The following DYSF variants were observed in gnomAD, a reference collection of about 807,000 sequenced individuals.
DYSF encodes the protein dystrophy-associated fer-1-like 1.
A neutral mutation model predicts 274.9 loss-of-function variants in DYSF; 212 were observed. That is an observed-to-expected ratio of 0.77 (90% CI 0.69 to 0.86). The LOEUF (loss-of-function observed/expected upper bound fraction) is 0.86. Ranked by LOEUF, DYSF falls within the 40% of genes least tolerant of loss-of-function variation. The pLI, the probability that DYSF is intolerant of heterozygous loss-of-function variation, is 0.00. For synonymous variants in DYSF, 1,091 were observed against 1,078.7 expected (o/e 1.01, Z -0.22); for missense variants, 2,666 against 2,783.2 (o/e 0.96, Z 0.95).
chr2:71,592,733 T>G (rs1452211469), intron 32 of DYSF, among the ~76,000 whole-genome samples: 7 of 152,230 alleles, frequency 4.6e-5, no homozygotes, highest in Non-Finnish European at 1.0e-4. Flanking sequence ...GCCTCTGACC[T>G]GTGGCTCTCT....
chr2:71,667,545 C>T lies in DYSF; in HGVS notation c.5457+30C>T, dbSNP rs1396620487. 1.7e-5 allele frequency: 28 copies of T among 1,613,394 alleles called. No individual in the cohort carries two copies. In the East Asian group the frequency reaches 4.2e-4, roughly 24 times the overall value. On this transcript the variant is annotated intron_variant, in intron 48 of 55. Transcript: ENST00000410020. Reference sequence around the variant, plus strand: ...GACCTTGACCCTTGGGTCCCAGAGTCCTCGAACTCCAGAAAGCCCCAACCC... The same window carrying T: ...GACCTTGACCCTTGGGTCCCAGAGTTCTCGAACTCCAGAAAGCCCCAACCC...
chr2:71,573,809 CTTTTTCTTTTTTCTT>C (rs2092605883), intron 29 of DYSF, among the ~76,000 whole-genome samples: 1 of 151,944 alleles, frequency 6.6e-6, no homozygotes, highest in African/African-American at 2.4e-5. Context: ...CCTGATTTTT[CTTTTTCTTTTTTCTT>C]TTTTTCTTTT....
intron 1 of DYSF, among the ~76,000 whole-genome samples, chr2:71,459,495 G>C (rs566711402): frequency 2.2e-4 from 34 of 152,114 alleles, no homozygotes; most frequent in Non-Finnish European, 2.9e-4. Flanking sequence ...AGTGAGCTGA[G>C]GGGGGGACAC....
chr2:71,585,979 G>A (rs754096257), intron 30 of DYSF, among the ~76,000 whole-genome samples: 1 of 152,096 alleles, frequency 6.6e-6, no homozygotes, highest in South Asian at 2.1e-4. Context: ...CAAGAAAGGA[G>A]ACCTCAGAGT....
At chr2:71,514,786 G>A (rs1327294777) in intron 7 of DYSF, among the ~76,000 whole-genome samples, 3 of 152,036 alleles carry the variant, frequency 2.0e-5, no homozygotes, top group Non-Finnish European at 4.4e-5. Flanking sequence ...TGCCCCAAAA[G>A]ACAAAATTCT....
intron 1 of DYSF, among the ~76,000 whole-genome samples, chr2:71,479,992 C>A (rs1372942729): frequency 6.6e-6 from 1 of 152,168 alleles, no homozygotes; most frequent in African/African-American, 2.4e-5. Flanking sequence ...TATTGTGCAA[C>A]CATCATCATG....
intron 14 of DYSF, among the ~76,000 whole-genome samples, chr2:71,530,242 A>G (rs1177909191): frequency 6.6e-6 from 1 of 152,250 alleles, no homozygotes; most frequent in Non-Finnish European, 1.5e-5. Context: ...TCCAAGGACT[A>G]GGATTAATTC....
intron 28 of DYSF, 61 bp downstream of exon 28, chr2:71,570,395 G>A: frequency 6.4e-7 from 1 of 1,555,260 alleles, no homozygotes; most frequent in African/African-American, 1.4e-5. Flanking sequence ...CCATGCTGGT[G>A]GGGACGACTG....
chr2:71,557,649 G>A (rs2091433280), intron 22 of DYSF, among the ~76,000 whole-genome samples: 1 of 152,100 alleles, frequency 6.6e-6, no homozygotes, highest in Non-Finnish European at 1.5e-5. Flanking sequence ...TGGGGGCTAG[G>A]GCAGCATGGA....
chr2:71,553,296 C>G (rs2091093603), intron 20 of DYSF, 108 bp downstream of exon 20: 1 of 1,526,266 alleles, frequency 6.6e-7, no homozygotes, highest in Admixed American at 1.7e-5. Flanking sequence ...CTCAAAGGCC[C>G]TGGTCCTGGC....
At chr2:71,624,341 A>G (rs1225340733) in intron 41 of DYSF, among the ~76,000 whole-genome samples, 6 of 152,168 alleles carry the variant, frequency 3.9e-5, no homozygotes, top group African/African-American at 1.2e-4. Context: ...GAGAGCTTCT[A>G]TTATGTATTA....
intron 10 of DYSF, among the ~76,000 whole-genome samples, chr2:71,519,306 T>C (rs1020490524): frequency 7.2e-5 from 11 of 152,100 alleles, no homozygotes; most frequent in African/African-American, 2.4e-4. Context: ...TAAATCTTAA[T>C]TATGTTTTGA....
At chr2:71,668,618 T>C in intron 48 of DYSF, 136 bp from the exon 49 acceptor site, 1 of 801,796 alleles carries the variant, frequency 1.2e-6, no homozygotes, top group East Asian at 2.7e-5. Context: ...TAGTCCCCTG[T>C]TTAGGGCAGT....
At chr2:71,564,317 T>C in intron 24 of DYSF, 104 bp downstream of exon 24, 1 of 1,504,176 alleles carries the variant, frequency 6.6e-7, no homozygotes, top group Non-Finnish European at 9.2e-7. Flanking sequence ...TCTTAGTTCT[T>C]AGGCTGTGGT....
chr2:71,487,024 G>T (rs1028162255), intron 3 of DYSF, among the ~76,000 whole-genome samples: 8 of 152,192 alleles, frequency 5.3e-5, no homozygotes, highest in Non-Finnish European at 8.8e-5. Flanking sequence ...CCTTGGCTGA[G>T]GTTCTGATTT....
intron 45 of DYSF, among the ~76,000 whole-genome samples, chr2:71,661,628 G>C (rs1010776521): frequency 1.3e-5 from 2 of 152,204 alleles, no homozygotes; most frequent in Non-Finnish European, 2.9e-5. Context: ...GTAATTCCTA[G>C]GCATCCTGAA....
rs773499037 is a variant in DYSF, at chr2:71,620,531, C to T, written c.4465-16C>T. On this transcript the variant is annotated splice_polypyrimidine_tract_variant and intron_variant, in intron 40 of 55. Coordinates refer to ENST00000410020, the MANE Select transcript of DYSF (RefSeq NM_001130987.2). ...GTTCTCTAATCCTGTTGCTAACCAG[C>T]ATGTTTCATTTGTAGCTTGCAGACG... 2 of 1,551,722 alleles carry T rather than the reference C, an allele frequency of 1.3e-6. No homozygotes were observed. Among genetic ancestry groups the T allele is most frequent in the South Asian group, 1.2e-5 (1 of 84,064 alleles).
At chr2:71,601,392 G>A (rs1278359752) in intron 34 of DYSF, 107 bp from the exon 35 acceptor site, 2 of 1,464,228 alleles carry the variant, frequency 1.4e-6, no homozygotes, top group Admixed American at 1.7e-5. Flanking sequence ...AATAGAGGCT[G>A]CAAACCATGG....
At chr2:71,684,199 C>T (rs899330227) in intron 55 of DYSF, among the ~76,000 whole-genome samples, 2 of 152,208 alleles carry the variant, frequency 1.3e-5, no homozygotes, top group East Asian at 3.9e-4. Context: ...TGTGGGAGGC[C>T]TCTTTAAGCC....
Sources: gnomAD v4.1 joint callset for allele counts (sites outside exome capture counted in the v4.1 genomes callset) on GRCh38, gnomAD v4.1.1 for gene constraint, MANE v1.5 for transcripts, NCBI Gene and HGNC (gene_info 2026-07-23, HGNC 2026-07-21) for gene names.